The following CELF4 variants were observed in gnomAD, a reference collection of about 807,000 sequenced individuals.
The protein encoded by CELF4 is CUGBP Elav-like family member 4, also known as CUG-BP- and ETR-3-like factor 4.
A neutral mutation model predicts 59.9 loss-of-function variants in CELF4; 18 were observed. The ratio of observed to expected loss-of-function variants is 0.30; its 90% CI spans 0.21 to 0.45. The LOEUF is 0.45. Ranked by LOEUF, CELF4 falls within the 20% of genes least tolerant of loss-of-function variation. The pLI is 1.00. For missense variants in CELF4, 456 were observed against 689.0 expected (o/e 0.66, Z 3.79); for synonymous variants, 261 against 267.1 (o/e 0.98, Z 0.22).
intron 3 of CELF4, among the ~76,000 whole-genome samples, chr18:37,316,932 G>C (rs1005937057): frequency 6.6e-6 from 1 of 152,158 alleles, no homozygotes; most frequent in Non-Finnish European, 1.5e-5. Context: ...GAGGAATATA[G>C]GTAATCTGGG....
At chr18:37,259,286 G>T in intron 10 of CELF4, 22 bp from the exon 11 acceptor site, 1 of 964,790 alleles carries the variant, frequency 1.0e-6, no homozygotes, top group Non-Finnish European at 1.6e-6. Flanking sequence ...GGAGGGGGTG[G>T]GCGGGGGAGG....
chr18:37,330,666 G>A (rs1486290757), intron 2 of CELF4, among the ~76,000 whole-genome samples: 3 of 152,158 alleles, frequency 2.0e-5, no homozygotes, highest in Admixed American at 2.0e-4. Context: ...TGCACAGTAG[G>A]TGGTCAGGAG....
At chr18:37,342,233 GCACACACA>G (rs56845978) in intron 2 of CELF4, among the ~76,000 whole-genome samples, 176 of 146,154 alleles carry the variant, frequency 1.2e-3, no homozygotes, top group African/African-American at 4.2e-3. Context: ...AACAGCACAT[GCACACACA>G]CACACACACA....
At chr18:37,462,855 T>C (rs968243557) in intron 2 of CELF4, among the ~76,000 whole-genome samples, 1 of 152,268 alleles carries the variant, frequency 6.6e-6, no homozygotes, top group Admixed American at 6.5e-5. Context: ...TAGTGTATTT[T>C]AGGTGTGGCC....
At chr18:37,481,916 C>G (rs1233029812) in intron 2 of CELF4, among the ~76,000 whole-genome samples, 1 of 152,206 alleles carries the variant, frequency 6.6e-6, no homozygotes, top group Non-Finnish European at 1.5e-5. Context: ...ATCTCCTCCT[C>G]TGTGAGGGAT....
intron 3 of CELF4, among the ~76,000 whole-genome samples, chr18:37,295,037 T>C (rs554474497): frequency 5.9e-5 from 9 of 152,316 alleles, no homozygotes; most frequent in Admixed American, 2.6e-4. Context: ...TTCTGGACCA[T>C]GTAGGTGAAC....
At chr18:37,257,888 G>A (rs1003096767) in intron 11 of CELF4, among the ~76,000 whole-genome samples, 2 of 152,208 alleles carry the variant, frequency 1.3e-5, no homozygotes, top group African/African-American at 4.8e-5. Flanking sequence ...TGAGGAGGTC[G>A]GAGGGCAACA....
At chr18:37,525,233 G>A (rs2099962520) in intron 1 of CELF4, among the ~76,000 whole-genome samples, 2 of 152,184 alleles carry the variant, frequency 1.3e-5, no homozygotes, top group Non-Finnish European at 2.9e-5. Context: ...CAGAGGCCCT[G>A]CCCTTTCACA....
At chr18:37,252,389 C>T (rs895739328) in intron 12 of CELF4, among the ~76,000 whole-genome samples, 1 of 152,076 alleles carries the variant, frequency 6.6e-6, no homozygotes, top group Non-Finnish European at 1.5e-5. Flanking sequence ...ATTGTCAACA[C>T]AGAAGCCAGG....
chr18:37,301,408 G>A (rs970895032), intron 3 of CELF4, among the ~76,000 whole-genome samples: 1 of 152,180 alleles, frequency 6.6e-6, no homozygotes, highest in Non-Finnish European at 1.5e-5. Flanking sequence ...TCAGTGTCCA[G>A]CCCAGCATAC....
intron 10 of CELF4, among the ~76,000 whole-genome samples, chr18:37,264,004 G>C (rs1444726249): frequency 6.6e-6 from 1 of 152,096 alleles, no homozygotes; most frequent in African/African-American, 2.4e-5. Flanking sequence ...CTCCTCTGGG[G>C]CTTCCCTTCC....
intron 2 of CELF4, among the ~76,000 whole-genome samples, chr18:37,398,619 C>T (rs937402193): frequency 6.6e-6 from 1 of 152,140 alleles, no homozygotes; most frequent in African/African-American, 2.4e-5. Context: ...TCCTCCCTGG[C>T]CCACAGAGGT....
rs1040313215 is a variant in CELF4 at position 37,459,867 on chromosome 18, T to TTG, written c.369+25656_369+25657dup. ...CCCTAACAACACACCAACTTGTTTT[T>TTG]TGTGTGTGTGTGAAGATGCTTTCTT... On this transcript the variant is annotated intron_variant, in intron 2 of 12. Coordinates refer to ENST00000420428, the MANE Select transcript of CELF4 (RefSeq NM_020180.4). Among the ~76,000 whole-genome samples, 12 of 152,290 alleles carry TTG rather than the reference T, an allele frequency of 7.9e-5. 1 individual carries two copies. The highest frequency in any genetic ancestry group is 1.3e-4 in the Non-Finnish European group (9 of 68,028).
chr18:37,429,907 T>A (rs1448217961), intron 2 of CELF4, among the ~76,000 whole-genome samples: 2 of 152,172 alleles, frequency 1.3e-5, no homozygotes, highest in Admixed American at 6.5e-5. Flanking sequence ...ACACCTGCAC[T>A]TCCTGCCTCC....
intron 2 of CELF4, among the ~76,000 whole-genome samples, chr18:37,448,880 C>T (rs535190704): frequency 3.9e-5 from 6 of 152,222 alleles, no homozygotes; most frequent in Non-Finnish European, 8.8e-5. Flanking sequence ...TCCTGCCCAC[C>T]CTCTGGGCCC....
rs1423088606 is a variant in CELF4, at chr18:37,342,230, CAT to C, written c.370-20351_370-20350del. 2.7e-5 allele frequency among the ~76,000 whole-genome samples: 3 copies of C among 110,674 alleles called. No homozygotes were observed. The East Asian group carries it at 8.4e-4, about 31-fold the overall frequency. The allele number at this position is 110,674 out of a possible 152,430, so 72.6% of individuals were successfully genotyped here. A position where few individuals can be genotyped will look rare whatever the true frequency, so the allele number is the denominator to read the frequency against. On this transcript the variant is annotated intron_variant, in intron 2 of 12. Transcript: ENST00000420428. ...TTCAGATTGGGGAAAGATAACAGCACATGCACACACACACACACACACACACA... is the reference window on the plus strand; with the variant it reads ...TTCAGATTGGGGAAAGATAACAGCACGCACACACACACACACACACACACA...
At position 37,263,432 on chromosome 18, in the gene CELF4, T is replaced by C. The variant is rs1189111279; in HGVS notation, c.1249+1242A>G. On this transcript the variant is annotated intron_variant, in intron 10 of 12. Transcript: ENST00000420428. Reference sequence around the variant, plus strand: ...GCTGCAGGGGCTATGAGTCAGGATTTTGGAGGCCATCGGAAGGCTCTGACC... The same window carrying C: ...GCTGCAGGGGCTATGAGTCAGGATTCTGGAGGCCATCGGAAGGCTCTGACC... 2.0e-5 allele frequency among the ~76,000 whole-genome samples: 3 copies of C among 152,060 alleles called. 1 individual carries two copies. Among genetic ancestry groups the C allele is most frequent in the African/African-American group, 7.2e-5 (3 of 41,408 alleles).
At chr18:37,386,376 A>G (rs530530895) in intron 2 of CELF4, among the ~76,000 whole-genome samples, 162 of 152,346 alleles carry the variant, frequency 1.1e-3, no homozygotes, top group African/African-American at 3.6e-3. Context: ...TTACAGTGGT[A>G]GGAGGCTGAG....
intron 3 of CELF4, 29 bp from the exon 4 acceptor site, chr18:37,275,272 G>C (rs946418668): frequency 3.7e-6 from 6 of 1,612,158 alleles, no homozygotes; most frequent in Non-Finnish European, 2.5e-6. Flanking sequence ...ATGCTTACCC[G>C]GGCCAGGGAC....
Sources: gnomAD v4.1 joint callset for allele counts (sites outside exome capture counted in the v4.1 genomes callset) on GRCh38, gnomAD v4.1.1 for gene constraint, MANE v1.5 for transcripts, NCBI Gene and HGNC (gene_info 2026-07-23, HGNC 2026-07-21) for gene names.